The following RSAD2 variants were observed in gnomAD, a reference collection of about 807,000 sequenced individuals.
The protein encoded by RSAD2 is S-adenosylmethionine-dependent nucleotide dehydratase RSAD2.
RSAD2 carries 38 observed loss-of-function variants against 37.7 expected under a neutral mutation model. That is an observed-to-expected ratio of 1.01 (90% CI 0.78 to 1.32). The LOEUF (loss-of-function observed/expected upper bound fraction) is 1.32. Among genes scored for constraint, RSAD2 ranks in the 40% most tolerant of loss-of-function variants. The pLI, the probability that RSAD2 is intolerant of heterozygous loss-of-function variation, is 0.00. For synonymous variants in RSAD2, 163 were observed against 157.4 expected (o/e 1.04, Z -0.27); for missense variants, 428 against 437.5 (o/e 0.98, Z 0.19).
chr2:6,897,710 T>C lies in RSAD2; in HGVS notation c.*1768T>C, dbSNP rs913755218. 1 of 152,198 alleles carries C rather than the reference T, an allele frequency of 6.6e-6. No individual in the cohort carries two copies. The highest frequency in any genetic ancestry group is 2.4e-5 in the African/African-American group (1 of 41,450). 9.4% of individuals were successfully genotyped at this position (152,198 alleles called of 1,614,324 possible). On this transcript the variant is annotated 3_prime_UTR_variant, in exon 6 of 6. Coordinates refer to ENST00000382040, the MANE Select transcript of RSAD2 (RefSeq NM_080657.5). ...TTTTTTACTTAACATGAGTGCACTT[T>C]ACTAATCCTCATGGCACAGTGGCTC...
chr2:6,885,530 G>A (rs1663500716), intron 2 of RSAD2, among the ~76,000 whole-genome samples: 1 of 152,182 alleles, frequency 6.6e-6, no homozygotes, highest in Non-Finnish European at 1.5e-5. Context: ...GATTGGCCAA[G>A]ATTCCACCAT....
At chr2:6,870,949 G>A (rs1663194258) in intron 1 of RSAD2, among the ~76,000 whole-genome samples, 1 of 152,148 alleles carries the variant, frequency 6.6e-6, no homozygotes, top group African/African-American at 2.4e-5. Context: ...TAAGTCTCTG[G>A]ACAAAAATTA....
intron 1 of RSAD2, among the ~76,000 whole-genome samples, chr2:6,883,145 A>G (rs928113631): frequency 1.3e-5 from 2 of 152,190 alleles, no homozygotes; most frequent in Admixed American, 1.3e-4. Context: ...TGTCTGAGCA[A>G]GTCTATTCAT....
At chr2:6,886,866 A>G in intron 2 of RSAD2, 69 bp from the exon 3 acceptor site, 2 of 1,094,368 alleles carry the variant, frequency 1.8e-6, no homozygotes, top group Middle Eastern at 2.1e-4. Flanking sequence ...TTTTATCACA[A>G]GAGATCTAAA....
At chr2:6,866,460 C>T (rs1426620761) in intron 1 of RSAD2, 1 of 985,668 alleles carries the variant, frequency 1.0e-6, no homozygotes, top group African/African-American at 1.7e-5. Flanking sequence ...TTGGAATTGC[C>T]CTCTCCCTTT....
In RSAD2 at chr2:6,890,171, T is replaced by A. The variant is rs944839565; in HGVS notation, c.739-5T>A. 7 of 1,613,770 alleles carry A rather than the reference T, an allele frequency of 4.3e-6. No homozygotes were observed. In the Admixed American group the frequency reaches 8.3e-5, roughly 19 times the overall value. ...TGCAAAGCAAACACTACCATTGCCTTTCAGGTGTTCCAGTGCCTCTTAATT... is the reference window on the plus strand; with the variant it reads ...TGCAAAGCAAACACTACCATTGCCTATCAGGTGTTCCAGTGCCTCTTAATT... On this transcript the variant is annotated splice_polypyrimidine_tract_variant and splice_region_variant and intron_variant, in intron 3 of 5. Coordinates refer to ENST00000382040, the MANE Select transcript of RSAD2 (RefSeq NM_080657.5).
chr2:6,874,625 C>T (rs375198998), upstream of RSAD2, among the ~76,000 whole-genome samples: 44 of 152,094 alleles, frequency 2.9e-4, no homozygotes, highest in East Asian at 3.9e-4. Flanking sequence ...ATTAATTAAC[C>T]GAAAGTAAGT....
At chr2:6,894,002 G>A (rs747236868) in intron 5 of RSAD2, among the ~76,000 whole-genome samples, 9 of 152,126 alleles carry the variant, frequency 5.9e-5, no homozygotes, top group Non-Finnish European at 1.0e-4. Context: ...CATTGAACCC[G>A]TTATCACACA....
rs1378033100 is a variant in RSAD2, at chr2:6,883,362, C to A, written c.347-9C>A. 6.2e-7 allele frequency: 1 copy of A among 1,613,688 alleles called. No homozygotes were observed. The highest frequency in any genetic ancestry group is 8.5e-7 in the Non-Finnish European group (1 of 1,179,734). On this transcript the variant is annotated splice_polypyrimidine_tract_variant and intron_variant, in intron 1 of 5. Coordinates refer to ENST00000382040, the MANE Select transcript of RSAD2 (RefSeq NM_080657.5). ...TGAAGTGGTAAAATTCATGTATCAC[C>A]TTGCACAGGTATGGAGAAGATCAAC...
In RSAD2 at chr2:6,887,113, G is replaced by T. The variant is rs1041800167; in HGVS notation, c.687G>T (p.Val229=). ...ATTCTGTCATTAATCGTTTCAACGT[G>T]GAAGAGGACATGACGGAACAGATCA... ...KINSVINRFN[V]EEDMTEQIKA... The change falls in exon 3 of 6, where the codon GTG becomes GTT. Residue 229 remains valine (V), a synonymous_variant. Coordinates refer to ENST00000382040, the MANE Select transcript of RSAD2 (RefSeq NM_080657.5). The T allele has an allele frequency of 6.2e-7, 1 of 1,614,000 alleles. No homozygotes were observed. Among genetic ancestry groups the T allele is most frequent in the East Asian group, 2.2e-5 (1 of 44,876 alleles).
chr2:6,878,975 C>T (rs969858609), intron 1 of RSAD2: 1 of 550,952 alleles, frequency 1.8e-6, no homozygotes, highest in African/African-American at 1.9e-5. Flanking sequence ...AGGTAAATAG[C>T]CTGCAGATTC....
rs185375098 is a variant in RSAD2 at position 6,887,110 on chromosome 2, C to T, written c.684C>T (p.Asn228=). ...FKINSVINRF[N]VEEDMTEQIK... is the part of the protein sequence containing the mutation. ...TAAATTCTGTCATTAATCGTTTCAA[C>T]GTGGAAGAGGACATGACGGAACAGA... Residue 228 remains asparagine, a synonymous_variant, in exon 3 of 6, where the codon AAC becomes AAT. Coordinates refer to ENST00000382040, the MANE Select transcript of RSAD2 (RefSeq NM_080657.5). The T allele has an allele frequency of 9.5e-5, 151 of 1,588,596 alleles. No individual in the cohort carries two copies. The highest frequency in any genetic ancestry group is 1.1e-4 in the African/African-American group (8 of 74,110).
chr2:6,883,785 T>TG, intron 2 of RSAD2: 1 of 438,060 alleles, frequency 2.3e-6, no homozygotes, highest in Non-Finnish European at 4.1e-6. Context: ...ATCTTGTACA[T>TG]TGCAATTTAG....
intron 3 of RSAD2, among the ~76,000 whole-genome samples, chr2:6,889,340 C>T (rs1196643802): frequency 6.6e-6 from 1 of 151,960 alleles, no homozygotes; most frequent in East Asian, 1.9e-4. Context: ...TGACCAGGGG[C>T]CAGTGGAGGC....
chr2:6,886,864 C>T, intron 2 of RSAD2, 71 bp from the exon 3 acceptor site: 1 of 1,079,248 alleles, frequency 9.3e-7, no homozygotes, highest in Non-Finnish European at 1.4e-6. Context: ...TATTTTATCA[C>T]AAGAGATCTA....
At chr2:6,881,581 A>G (rs556376873) in intron 1 of RSAD2, among the ~76,000 whole-genome samples, 1 of 152,342 alleles carries the variant, frequency 6.6e-6, no homozygotes, top group Non-Finnish European at 1.5e-5. Flanking sequence ...CTTTAACCAT[A>G]TTACCTTGGG....
chr2:6,872,714 A>G (rs1012955613), intron 1 of RSAD2, among the ~76,000 whole-genome samples: 1 of 152,202 alleles, frequency 6.6e-6, no homozygotes, highest in Admixed American at 6.5e-5. Flanking sequence ...AAGAAAGTTG[A>G]TAAAAGCAAT....
intron 2 of RSAD2, among the ~76,000 whole-genome samples, chr2:6,885,434 A>G (rs1415254803): frequency 6.6e-6 from 1 of 152,230 alleles, no homozygotes; most frequent in African/African-American, 2.4e-5. Flanking sequence ...AGAAGTCTTG[A>G]CAAGTTGATT....
intron 1 of RSAD2, among the ~76,000 whole-genome samples, chr2:6,870,996 A>G (rs1663195104): frequency 6.6e-6 from 1 of 152,056 alleles, no homozygotes; most frequent in South Asian, 2.1e-4. Context: ...CCAAAGTGGG[A>G]CTCCTTTAAA....
Sources: gnomAD v4.1 joint callset for allele counts (sites outside exome capture counted in the v4.1 genomes callset) on GRCh38, gnomAD v4.1.1 for gene constraint, MANE v1.5 for transcripts, NCBI Gene and HGNC (gene_info 2026-07-23, HGNC 2026-07-21) for gene names.